The following TTLL5 variants were observed in gnomAD, a reference collection of about 807,000 sequenced individuals.
The protein encoded by TTLL5 is tubulin polyglutamylase TTLL5.
TTLL5 carries 132 observed loss-of-function variants against 168.4 expected under a neutral mutation model. The ratio of observed to expected loss-of-function variants is 0.78; its 90% confidence interval spans 0.68 to 0.91. The LOEUF (loss-of-function observed/expected upper bound fraction) is 0.91. TTLL5 is among the 40% of genes least tolerant of loss of function. The pLI is 0.00. For missense variants in TTLL5, 1,545 were observed against 1,581.5 expected, an observed-to-expected ratio of 0.98 and a Z score of 0.39; for synonymous variants, 546 against 558.6, an observed-to-expected ratio of 0.98 and a Z score of 0.32.
chr14:75,669,986 T>C (rs11626062), intron 3 of TTLL5, among the ~76,000 whole-genome samples: 75,186 of 152,034 alleles, frequency 0.49, 23,076 homozygotes, highest in Non-Finnish European at 0.66. Flanking sequence ...TTCTGGATGT[T>C]TTATATAAAT....
At chr14:75,708,193 G>A (rs1214202049) in intron 9 of TTLL5, among the ~76,000 whole-genome samples, 2 of 152,240 alleles carry the variant, frequency 1.3e-5, no homozygotes, top group East Asian at 3.9e-4. Flanking sequence ...GGTGGGAGAA[G>A]TGGAATGGGG....
At chr14:75,925,037 C>T (rs1204755161) in intron 31 of TTLL5, among the ~76,000 whole-genome samples, 6 of 143,310 alleles carry the variant, frequency 4.2e-5, no homozygotes, top group Admixed American at 2.0e-4. Context: ...TAGGGGCGGC[C>T]GGGCAGAGGC....
intron 26 of TTLL5, among the ~76,000 whole-genome samples, chr14:75,786,260 A>T (rs926689415): frequency 2.0e-5 from 3 of 152,154 alleles, no homozygotes; most frequent in African/African-American, 7.2e-5. Flanking sequence ...TTTTTTCCCC[A>T]TGTAAGAAAT....
At chr14:75,664,403 T>C (rs939909232) in intron 2 of TTLL5, among the ~76,000 whole-genome samples, 1 of 152,210 alleles carries the variant, frequency 6.6e-6, no homozygotes, top group Non-Finnish European at 1.5e-5. Flanking sequence ...TTTGGATATG[T>C]GTGTGCTATG....
intron 31 of TTLL5, among the ~76,000 whole-genome samples, chr14:75,949,535 C>G (rs1213532071): frequency 6.7e-6 from 1 of 150,160 alleles, no homozygotes; most frequent in Non-Finnish European, 1.5e-5. Context: ...AATGGAGAGA[C>G]CTACATGTTC....
intron 6 of TTLL5, among the ~76,000 whole-genome samples, chr14:75,691,617 T>C (rs951376911): frequency 3.3e-5 from 5 of 152,206 alleles, no homozygotes; most frequent in African/African-American, 1.2e-4. Flanking sequence ...CTAATGGCAC[T>C]GGGCAGCGTG....
intron 21 of TTLL5, among the ~76,000 whole-genome samples, chr14:75,774,279 A>C (rs1891577898): frequency 6.6e-6 from 1 of 152,116 alleles, no homozygotes; most frequent in African/African-American, 2.4e-5. Context: ...ATCTGTTCAG[A>C]TTTCAAAATC....
At chr14:75,896,793 A>T (rs2032682446) in intron 30 of TTLL5, among the ~76,000 whole-genome samples, 1 of 152,202 alleles carries the variant, frequency 6.6e-6, no homozygotes, top group Non-Finnish European at 1.5e-5. Context: ...AGAAATGAAG[A>T]TCCACGAAAA....
At chr14:75,823,108 G>T (rs1327976655) in intron 28 of TTLL5, among the ~76,000 whole-genome samples, 1 of 152,208 alleles carries the variant, frequency 6.6e-6, no homozygotes, top group African/African-American at 2.4e-5. Context: ...GAATTATACA[G>T]TAGGGACTCC....
At chr14:75,826,333 G>A (rs888661852) in intron 28 of TTLL5, among the ~76,000 whole-genome samples, 6 of 115,756 alleles carry the variant, frequency 5.2e-5, no homozygotes, top group Non-Finnish European at 8.7e-5. Context: ...ACACACACAC[G>A]AGTCTTTGTT....
chr14:75,920,789 G>A (rs1323149620), intron 31 of TTLL5, among the ~76,000 whole-genome samples: 1 of 152,166 alleles, frequency 6.6e-6, no homozygotes, highest in Non-Finnish European at 1.5e-5. Flanking sequence ...GGATCAAATG[G>A]TAATTCTAGT....
rs2035058343 is a variant in TTLL5 at position 75,954,702 on chromosome 14, C to A, written c.*256C>A. 3 of 559,074 alleles carry A rather than the reference C, an allele frequency of 5.4e-6. No homozygotes were observed. The highest frequency in any genetic ancestry group is 9.6e-6 in the Non-Finnish European group (3 of 313,374). 34.6% of individuals were successfully genotyped at this position (559,074 alleles called of 1,614,324 possible). On this transcript the variant is annotated 3_prime_UTR_variant, in exon 32 of 32. Coordinates refer to ENST00000298832, the MANE Select transcript of TTLL5 (RefSeq NM_015072.5). ...GGACATTCAGCTGATGCATTATATA[C>A]CCCGTCAGAGCACACTTGTATCTTT...
chr14:75,700,512 A>G (rs1402863774), intron 7 of TTLL5, among the ~76,000 whole-genome samples: 1 of 152,204 alleles, frequency 6.6e-6, no homozygotes, highest in East Asian at 1.9e-4. Flanking sequence ...GGCCCCTCTC[A>G]AGTGCTGGCA....
chr14:75,800,212 T>C (rs1194722904), intron 27 of TTLL5, among the ~76,000 whole-genome samples: 1 of 152,212 alleles, frequency 6.6e-6, no homozygotes, highest in African/African-American at 2.4e-5. Flanking sequence ...TCAAAAGCCT[T>C]GTCTTCGAGC....
At chr14:75,690,773 T>C (rs75581573) in intron 6 of TTLL5, among the ~76,000 whole-genome samples, 3,394 of 152,078 alleles carry the variant, frequency 0.022, 110 homozygotes, top group African/African-American at 0.065. Flanking sequence ...GCATGCACCA[T>C]TAGGCTCAGC....
At chr14:75,702,174 C>T (rs1282168826) in intron 7 of TTLL5, among the ~76,000 whole-genome samples, 1 of 152,218 alleles carries the variant, frequency 6.6e-6, no homozygotes, top group East Asian at 1.9e-4. Context: ...TGCTACAGCC[C>T]CAGGCATTGG....
chr14:75,902,640 A>T (rs1235578160), intron 31 of TTLL5: 1 of 457,778 alleles, frequency 2.2e-6, no homozygotes, highest in African/African-American at 2.0e-5. Flanking sequence ...GTTGAAGTTT[A>T]TGCGTGGATG....
At chr14:75,944,831 T>TG (rs1189008860) in intron 31 of TTLL5, among the ~76,000 whole-genome samples, 9 of 152,112 alleles carry the variant, frequency 5.9e-5, no homozygotes, top group Non-Finnish European at 1.2e-4. Flanking sequence ...TCTCAGGAGT[T>TG]GGGGGAGTGG....
rs1182390635 is a variant in TTLL5, at chr14:75,783,285, A to G, written c.2741A>G (p.His914Arg). 1.2e-6 allele frequency: 2 copies of G among 1,614,158 alleles called. No individual in the cohort carries two copies. Among genetic ancestry groups the G allele is most frequent in the East Asian group, 2.2e-5 (1 of 44,888 alleles). Residue 914 changes from histidine (H) to arginine (R), a missense_variant, in exon 26 of 32, where the codon CAC becomes CGC. By Grantham distance (29) the His-to-Arg change is conservative. Transcript: ENST00000298832. The part of the protein sequence containing the change: ...TTSDLSPGPC[H>R]HSSLSQIPSA... Reference sequence around the variant, plus strand: ...TCTGACCTCTCTCCAGGGCCTTGCCACCATTCTTCTTTATCTCAAATTCCT... The same window carrying G: ...TCTGACCTCTCTCCAGGGCCTTGCCGCCATTCTTCTTTATCTCAAATTCCT...
Sources: allele counts gnomAD v4.1 joint callset (sites outside exome capture counted in the v4.1 genomes callset), GRCh38; gene constraint gnomAD v4.1.1; transcripts MANE v1.5; gene names NCBI Gene and HGNC (gene_info 2026-07-23, HGNC 2026-07-21).